The following MTX2 variants were observed in gnomAD, a reference collection of about 807,000 sequenced individuals.
The protein encoded by MTX2 is metaxin-2.
In MTX2, 35 loss-of-function variants were observed where a neutral mutation model predicts 42.3. That is an observed-to-expected ratio of 0.83 (90% CI 0.63 to 1.10). The LOEUF is 1.10. Ranked by LOEUF, MTX2 falls within the 50% of genes least tolerant of loss-of-function variation. MTX2 has a pLI of 0.00. For synonymous variants in MTX2, 119 were observed against 100.9 expected, an observed-to-expected ratio of 1.18 and a Z score of -1.08; for missense variants, 307 against 304.1, an observed-to-expected ratio of 1.01 and a Z score of -0.07.
chr2:176,299,379 TTAAA>T (rs1483150917), intron 3 of MTX2, among the ~76,000 whole-genome samples: 1 of 152,038 alleles, frequency 6.6e-6, no homozygotes, highest in Non-Finnish European at 1.5e-5. Context: ...AACTAACGTT[TTAAA>T]TAACCCGGAG....
At chr2:176,314,896 T>C (rs943864309) in intron 3 of MTX2, among the ~76,000 whole-genome samples, 6 of 152,168 alleles carry the variant, frequency 3.9e-5, no homozygotes, top group African/African-American at 1.4e-4. Context: ...AGACCAAAGA[T>C]GAAGATGGTC....
intron 4 of MTX2, among the ~76,000 whole-genome samples, chr2:176,325,678 A>T (rs774596298): frequency 2.6e-5 from 4 of 151,780 alleles, no homozygotes; most frequent in Non-Finnish European, 5.9e-5. Context: ...ATCTCAGGGG[A>T]CCTGTAATAA....
Position 176,323,386 on chromosome 2 carries a change from T to C in MTX2, c.136-6T>C, listed in dbSNP as rs1166945971. The C allele has an allele frequency of 1.2e-6, 2 of 1,609,366 alleles. No homozygotes were observed. The highest frequency in any genetic ancestry group is 1.7e-6 in the Non-Finnish European group (2 of 1,176,826). On this transcript the variant is annotated splice_polypyrimidine_tract_variant and splice_region_variant and intron_variant, in intron 3 of 9. Coordinates refer to ENST00000249442, the MANE Select transcript of MTX2 (RefSeq NM_006554.5). ...CTGGGCTTATTGTATGTATCTTGAT[T>C]TACAGGCCTTTTTGCAAATGTGTAA... is the stretch of plus-strand genomic sequence containing the variant.
At position 176,315,717 on chromosome 2, in the gene MTX2, CACTT is replaced by C. The variant is rs199833347; in HGVS notation, c.136-7674_136-7671del. Among the ~76,000 whole-genome samples, 473 of 152,270 alleles carry C rather than the reference CACTT, an allele frequency of 3.1e-3. 2 individuals carry two copies. Among genetic ancestry groups the C allele is most frequent in the African/African-American group, 0.011 (444 of 41,558 alleles). ...CTCTCTGATCCCATCTCTTAGTACT[CACTT>C]CTTTACTCCCACATAGTCATACTGG... On this transcript the variant is annotated intron_variant, in intron 3 of 9. Coordinates refer to ENST00000249442, the MANE Select transcript of MTX2 (RefSeq NM_006554.5).
intron 1 of MTX2, among the ~76,000 whole-genome samples, chr2:176,276,994 G>A (rs1375539103): frequency 6.6e-6 from 1 of 152,072 alleles, no homozygotes; most frequent in Non-Finnish European, 1.5e-5. Context: ...GGGCATTTGG[G>A]TGCTTAATTA....
chr2:176,287,418 C>T (rs1379374464), intron 1 of MTX2, among the ~76,000 whole-genome samples: 2 of 152,086 alleles, frequency 1.3e-5, no homozygotes, highest in African/African-American at 2.4e-5. Flanking sequence ...TTTTTGAGTG[C>T]CAACATGATG....
chr2:176,278,087 G>T (rs1692992177), intron 1 of MTX2, among the ~76,000 whole-genome samples: 1 of 105,970 alleles, frequency 9.4e-6, no homozygotes, highest in African/African-American at 3.8e-5. Flanking sequence ...GTCTTGCTCT[G>T]TTGCCCAGGC....
At chr2:176,303,199 A>G (rs1456245067) in intron 3 of MTX2, among the ~76,000 whole-genome samples, 3 of 152,098 alleles carry the variant, frequency 2.0e-5, no homozygotes, top group Non-Finnish European at 2.9e-5. Context: ...ATATTTTAAT[A>G]AATAATATAA....
intron 3 of MTX2, among the ~76,000 whole-genome samples, chr2:176,312,464 C>A (rs765059669): frequency 6.6e-6 from 1 of 152,112 alleles, no homozygotes; most frequent in African/African-American, 2.4e-5. Flanking sequence ...TATTCACAAA[C>A]CTCTATATCA....
At chr2:176,335,949 G>T (rs1475476355) in intron 9 of MTX2, among the ~76,000 whole-genome samples, 1 of 151,976 alleles carries the variant, frequency 6.6e-6, no homozygotes. Context: ...CATCAAGATG[G>T]TATTTAAAGC....
intron 2 of MTX2, 142 bp downstream of exon 2, chr2:176,297,049 C>T: frequency 1.1e-6 from 1 of 910,298 alleles, no homozygotes; most frequent in Non-Finnish European, 1.7e-6. Flanking sequence ...GGAGGTTTTA[C>T]CTGAACTTGT....
In MTX2 at chr2:176,269,580, G is replaced by T; in HGVS notation, c.-50G>T. 1.3e-6 allele frequency: 2 copies of T among 1,545,170 alleles called. No homozygotes were observed. Among genetic ancestry groups the T allele is most frequent in the Non-Finnish European group, 1.7e-6 (2 of 1,149,400 alleles). On this transcript the variant is annotated 5_prime_UTR_variant, in exon 1 of 10. Transcript: ENST00000249442. The stretch of plus-strand genomic sequence containing the variant: ...AGCCTCCGGGTTTGCGGTGGAGGAC[G>T]CTGAGGCCCGTGGGGGGCAGGCACC...
In MTX2 at chr2:176,304,838, G is replaced by A. The variant is rs142520810; in HGVS notation, c.135+6943G>A. ...TTGTTCTAAAGAAGAAAAACCTGAG[G>A]TCTGCTGTCTAAGGATAGCTTTACC... On this transcript the variant is annotated intron_variant, in intron 3 of 9. Coordinates refer to ENST00000249442, the MANE Select transcript of MTX2 (RefSeq NM_006554.5). Among the ~76,000 whole-genome samples, 485 of 152,096 alleles carry A rather than the reference G, an allele frequency of 3.2e-3. 6 individuals are homozygous for A. In the East Asian group the frequency reaches 0.036, roughly 11 times the overall value.
chr2:176,275,847 A>G (rs1692934121), intron 1 of MTX2, among the ~76,000 whole-genome samples: 1 of 152,204 alleles, frequency 6.6e-6, no homozygotes, highest in Non-Finnish European at 1.5e-5. Context: ...TTAGGGCTCC[A>G]CAGTGCCACC....
rs184269072 is a variant in MTX2, at chr2:176,333,382, C to T, written c.620+2722C>T. 2.3e-3 allele frequency among the ~76,000 whole-genome samples: 355 copies of T among 151,580 alleles called. 1 individual carries two copies. The highest frequency in any genetic ancestry group is 7.9e-3 in the African/African-American group (329 of 41,466). On this transcript the variant is annotated intron_variant, in intron 9 of 9. Coordinates refer to ENST00000249442, the MANE Select transcript of MTX2 (RefSeq NM_006554.5). ...ATACTGGATAAAATATGTTACTTGT[C>T]TTTTTGTTAAGTCAGGTTTATTGAT... is the stretch of plus-strand genomic sequence containing the variant.
chr2:176,332,747 G>A (rs771710547), intron 9 of MTX2, among the ~76,000 whole-genome samples: 14 of 151,430 alleles, frequency 9.2e-5, no homozygotes, highest in African/African-American at 2.4e-4. Context: ...AAAAGATAAC[G>A]TAGATTATTT....
At chr2:176,333,733 C>A (rs1201484724) in intron 9 of MTX2, among the ~76,000 whole-genome samples, 1 of 151,666 alleles carries the variant, frequency 6.6e-6, no homozygotes, top group Non-Finnish European at 1.5e-5. Flanking sequence ...CTTACCTTTT[C>A]TGTGTTTAGA....
chr2:176,307,062 T>C (rs1170270131), intron 3 of MTX2, among the ~76,000 whole-genome samples: 1 of 152,240 alleles, frequency 6.6e-6, no homozygotes, highest in Non-Finnish European at 1.5e-5. Context: ...AAGTCTTTAA[T>C]GCATCTTGAA....
chr2:176,278,075 G>T (rs1692991551), intron 1 of MTX2, among the ~76,000 whole-genome samples: 1 of 123,632 alleles, frequency 8.1e-6, no homozygotes, highest in South Asian at 2.7e-4. Context: ...TTTTGAGATG[G>T]AGTCTTGCTC....
Sources: allele counts gnomAD v4.1 joint callset (sites outside exome capture counted in the v4.1 genomes callset), GRCh38; gene constraint gnomAD v4.1.1; transcripts MANE v1.5; gene names NCBI Gene and HGNC (gene_info 2026-07-23, HGNC 2026-07-21).